The following ABCA10 variants were observed in gnomAD, a reference collection of about 807,000 sequenced individuals.
ABCA10 encodes the protein ATP binding cassette subfamily A member 10, also known as ATP-binding cassette sub-family A member 10.
In ABCA10, 169 loss-of-function variants were observed where a neutral mutation model predicts 187.5. The observed-to-expected ratio is 0.90, with a 90% CI of 0.80 to 1.02. ABCA10 has a LOEUF of 1.02. Among genes scored for constraint, ABCA10 ranks in the 50% least tolerant of loss-of-function variants. The pLI, the probability that ABCA10 is intolerant of heterozygous loss-of-function variation, is 0.00. For missense variants in ABCA10, 1,727 were observed against 1,812.4 expected (o/e 0.95, Z 0.86); for synonymous variants, 574 against 601.8 (o/e 0.95, Z 0.68).
intron 18 of ABCA10, among the ~76,000 whole-genome samples, chr17:69,188,404 T>C (rs556793382): frequency 2.6e-5 from 4 of 151,942 alleles, no homozygotes; most frequent in Middle Eastern, 3.4e-3. Context: ...ACTTCAAATA[T>C]CAGTTTTCTC....
intron 9 of ABCA10, among the ~76,000 whole-genome samples, chr17:69,210,206 G>A (rs1208941397): frequency 2.0e-4 from 19 of 96,984 alleles, no homozygotes; most frequent in African/African-American, 2.5e-4. Flanking sequence ...TTTTTGAGAC[G>A]GAGTCTCGCT....
intron 4 of ABCA10, among the ~76,000 whole-genome samples, chr17:69,222,236 G>A (rs1197448418): frequency 6.6e-6 from 1 of 151,754 alleles, no homozygotes; most frequent in Non-Finnish European, 1.5e-5. Flanking sequence ...TACTTTGGAG[G>A]CTTAGGCAGG....
rs1240485320 is a variant in ABCA10 at position 69,234,994 on chromosome 17, AAATT to A, written c.-592-6138_-592-6135del. 2.0e-5 allele frequency: 3 copies of A among 152,316 alleles called. No homozygotes were observed. The East Asian group carries it at 5.8e-4, about 29-fold the overall frequency. 9.4% of individuals were successfully genotyped at this position (152,316 alleles called of 1,614,324 possible). A position where few individuals can be genotyped will look rare whatever the true frequency, so the allele number is the denominator to read the frequency against. On this transcript the variant is annotated intron_variant, in intron 1 of 39. Transcript: ENST00000269081. ...TAAGTAATGATTTGTTTAAGGAAAA[AAATT>A]AACTAATTTTTCTGAAGGATGTGAC...
rs146194857 is a variant in ABCA10, at chr17:69,242,871, C to A, written c.-593+1658G>T. On this transcript the variant is annotated intron_variant, in intron 1 of 39. Coordinates refer to the ABCA10 transcript ENST00000269081. ...AAACCTAAAAAACATCTTGTTTTAG[C>A]GGAAAATACTGGGTTGCAAAAACCT... Among the ~76,000 whole-genome samples the A allele has an allele frequency of 1.9e-3, 284 of 152,210 alleles. 1 individual carries two copies. Among genetic ancestry groups the A allele is most frequent in the Middle Eastern group, 0.01 (3 of 294 alleles).
intron 10 of ABCA10, among the ~76,000 whole-genome samples, chr17:69,199,248 C>G (rs193065503): frequency 1.8e-5 from 2 of 111,772 alleles, no homozygotes; most frequent in East Asian, 4.3e-4. Flanking sequence ...TTTTAATTCT[C>G]TGTGTTCAGC....
chr17:69,220,807 T>A (rs140002014), intron 5 of ABCA10, among the ~76,000 whole-genome samples: 1 of 152,190 alleles, frequency 6.6e-6, no homozygotes, highest in African/African-American at 2.4e-5. Context: ...CCTGTTTTTG[T>A]ATATAACATT....
intron 22 of ABCA10, among the ~76,000 whole-genome samples, chr17:69,177,966 A>T (rs2074346597): frequency 1.2e-3 from 45 of 37,234 alleles, no homozygotes; most frequent in Non-Finnish European, 3.1e-3. Context: ...AAAAAAAAAA[A>T]AAAAAAAATA....
chr17:69,163,602 CAA>C (rs1435783971), intron 27 of ABCA10, among the ~76,000 whole-genome samples: 4 of 152,186 alleles, frequency 2.6e-5, no homozygotes. Flanking sequence ...AAAGAGGAAA[CAA>C]GAGGTGTGCA....
At position 69,171,854 on chromosome 17, in the gene ABCA10, A is replaced by G. The variant is rs1039419745; in HGVS notation, c.3162+2427T>C. ...ATTATGTTTTAAGAATGAGGGTGAA[A>G]AAAGATTTTTTTTAAACTACGAGAG... On this transcript the variant is annotated intron_variant, in intron 25 of 38. Coordinates refer to ENST00000690296, the MANE Select transcript of ABCA10 (RefSeq NM_001377321.1). Among the ~76,000 whole-genome samples, 66 of 152,092 alleles carry G rather than the reference A, an allele frequency of 4.3e-4. 3 individuals are homozygous for G. The highest frequency in any genetic ancestry group is 4.0e-3 in the Admixed American group (61 of 15,266).
At chr17:69,160,245 T>C (rs1048966390) in intron 27 of ABCA10, among the ~76,000 whole-genome samples, 4 of 152,170 alleles carry the variant, frequency 2.6e-5, no homozygotes, top group South Asian at 2.1e-4. Context: ...AAGGAGTTAA[T>C]ATTCAGAATA....
chr17:69,182,143 C>T lies in ABCA10; in HGVS notation c.2769+10G>A. 6.4e-7 allele frequency: 1 copy of T among 1,564,678 alleles called. No individual in the cohort carries two copies. The highest frequency in any genetic ancestry group is 1.2e-5 in the South Asian group (1 of 83,256). Reference sequence around the variant, plus strand: ...TGTTGCCTCTTATATAAGTCGAATACTCTACTTACACGAGAAAATGAAGTG... The same window carrying T: ...TGTTGCCTCTTATATAAGTCGAATATTCTACTTACACGAGAAAATGAAGTG... On this transcript the variant is annotated intron_variant, in intron 22 of 38. Transcript: ENST00000690296.
intron 1 of ABCA10, among the ~76,000 whole-genome samples, chr17:69,238,199 A>G (rs2074883569): frequency 6.6e-6 from 1 of 151,994 alleles, no homozygotes; most frequent in African/African-American, 2.4e-5. Context: ...ACCAGAAGCT[A>G]GAAAAGAGGC....
At chr17:69,187,338 C>T (rs1010963233) in intron 19 of ABCA10, among the ~76,000 whole-genome samples, 25 of 152,240 alleles carry the variant, frequency 1.6e-4, no homozygotes, top group African/African-American at 6.0e-4. Context: ...CTTTCCAGAC[C>T]TCTCCTTTTC....
chr17:69,205,976 C>A lies in ABCA10; in HGVS notation c.1007-4308G>T, dbSNP rs77201162. On this transcript the variant is annotated intron_variant, in intron 9 of 38. Transcript: ENST00000690296. ...CTAATCACAACAGAAGATCATGAAGCGGAAATGGTAAAAGCACAAATGTAA... is the reference window on the plus strand; with the variant it reads ...CTAATCACAACAGAAGATCATGAAGAGGAAATGGTAAAAGCACAAATGTAA... 5.5e-3 allele frequency among the ~76,000 whole-genome samples: 844 copies of A among 152,130 alleles called. 6 individuals carry two copies. The highest frequency in any genetic ancestry group is 7.0e-3 in the Non-Finnish European group (479 of 67,984).
Position 69,219,521 on chromosome 17 carries a change from C to T in ABCA10, c.530+24G>A, listed in dbSNP as rs370155870. ...TCTCTAATAATTAATGTATGATATA[C>T]AGTAAAGTAGCAACTTAACTTACCA... On this transcript the variant is annotated intron_variant, in intron 6 of 38. Coordinates refer to ENST00000690296, the MANE Select transcript of ABCA10 (RefSeq NM_001377321.1). 7 of 1,483,376 alleles carry T rather than the reference C, an allele frequency of 4.7e-6. 1 individual carries two copies. In the South Asian group the frequency reaches 5.5e-5, roughly 12 times the overall value. 91.9% of individuals were successfully genotyped at this position (1,483,376 alleles called of 1,614,324 possible). A position where few individuals can be genotyped will look rare whatever the true frequency, so the allele number is the denominator to read the frequency against.
intron 9 of ABCA10, among the ~76,000 whole-genome samples, chr17:69,203,864 T>C (rs2074568543): frequency 6.6e-6 from 1 of 152,230 alleles, no homozygotes; most frequent in African/African-American, 2.4e-5. Context: ...ATATTTTTAC[T>C]ACAAAATACA....
In ABCA10 at chr17:69,154,327, C is replaced by A; in HGVS notation, c.3695-1G>T. 3 of 1,594,226 alleles carry A rather than the reference C, an allele frequency of 1.9e-6. No individual in the cohort carries two copies. Among genetic ancestry groups the A allele is most frequent in the Non-Finnish European group, 2.6e-6 (3 of 1,171,068 alleles). On this transcript the variant is annotated splice_acceptor_variant, in intron 30 of 38. Coordinates refer to ENST00000690296, the MANE Select transcript of ABCA10 (RefSeq NM_001377321.1). LOFTEE classifies it high-confidence loss of function. Reference sequence around the variant, plus strand: ...TGTCCTAGTAATCCCAAAACTTCACCTGGAAGAAAGAGTCACCATCAATAT... The same window carrying A: ...TGTCCTAGTAATCCCAAAACTTCACATGGAAGAAAGAGTCACCATCAATAT...
chr17:69,206,750 C>T (rs1411500107), intron 9 of ABCA10, among the ~76,000 whole-genome samples: 2 of 152,058 alleles, frequency 1.3e-5, no homozygotes, highest in Admixed American at 6.5e-5. Flanking sequence ...TGAGGAACAT[C>T]TGTACAAAAA....
intron 11 of ABCA10, among the ~76,000 whole-genome samples, chr17:69,195,195 GGGAA>G (rs1432552834): frequency 1.7e-4 from 26 of 152,250 alleles, no homozygotes; most frequent in African/African-American, 6.0e-4. Context: ...AGAAAACAGA[GGGAA>G]TTAGATTGTC....
Sources: allele counts gnomAD v4.1 joint callset (sites outside exome capture counted in the v4.1 genomes callset), GRCh38; gene constraint gnomAD v4.1.1; transcripts MANE v1.5; gene names NCBI Gene and HGNC (gene_info 2026-07-23, HGNC 2026-07-21).